SPTAN1: variants seen among roughly 807,000 people sequenced by gnomAD.
The protein encoded by SPTAN1 is spectrin alpha, non-erythrocytic 1, also known as spectrin alpha chain, non-erythrocytic 1.
A neutral mutation model predicts 331.3 loss-of-function variants in SPTAN1; 61 were observed. The ratio of observed to expected loss-of-function variants is 0.18; its 90% CI spans 0.15 to 0.23. The LOEUF (loss-of-function observed/expected upper bound fraction) is 0.23. Among genes scored for constraint, SPTAN1 ranks in the 10% least tolerant of loss-of-function variants. SPTAN1 has a pLI of 1.00. For missense variants in SPTAN1, 2,043 were observed against 3,147.9 expected, an observed-to-expected ratio of 0.65 and a Z score of 8.40; for synonymous variants, 1,153 against 1,173.9, an observed-to-expected ratio of 0.98 and a Z score of 0.36.
intron 24 of SPTAN1, among the ~76,000 whole-genome samples, chr9:128,594,915 C>T (rs1854060190): frequency 6.8e-6 from 1 of 148,134 alleles, no homozygotes; most frequent in African/African-American, 2.5e-5. Context: ...TGCAACTCCT[C>T]CTCCCAGGTT....
Position 128,587,111 on chromosome 9 carries a change from G to A in SPTAN1, c.2779-495G>A, listed in dbSNP as rs150413188. 1.1e-3 allele frequency among the ~76,000 whole-genome samples: 171 copies of A among 152,212 alleles called. 1 individual carries two copies. In the South Asian group the frequency reaches 0.013, roughly 12 times the overall value. On this transcript the variant is annotated intron_variant, in intron 19 of 56. Transcript: ENST00000372739. ...CCTGGGATTACAGGCGTGAGGCACCGCGCTCGTTCTGTCGCTAGGGCTGGA... is the reference window on the plus strand; with the variant it reads ...CCTGGGATTACAGGCGTGAGGCACCACGCTCGTTCTGTCGCTAGGGCTGGA...
At chr9:128,605,821 G>A (rs187206562) in intron 31 of SPTAN1, among the ~76,000 whole-genome samples, 1 of 151,802 alleles carries the variant, frequency 6.6e-6, no homozygotes, top group Non-Finnish European at 1.5e-5. Flanking sequence ...GCGAAATGCC[G>A]TCTCTACCAA....
intron 3 of SPTAN1, 145 bp downstream of exon 3, chr9:128,569,042 G>A (rs553523917): frequency 8.8e-6 from 9 of 1,017,182 alleles, no homozygotes; most frequent in South Asian, 2.8e-5. Flanking sequence ...GAAGTTACCC[G>A]AATCCTGCCT....
rs1400512278 is a variant in SPTAN1, at chr9:128,603,560, T to C, written c.3597T>C (p.Val1199=). 6.2e-7 allele frequency: 1 copy of C among 1,614,226 alleles called. No homozygotes were observed. Among genetic ancestry groups the C allele is most frequent in the South Asian group, 1.1e-5 (1 of 91,088 alleles). Residue 1199 remains valine (V), a synonymous_variant, in exon 28 of 57, where the codon GTT becomes GTC. Transcript: ENST00000372739. Reference sequence around the variant, plus strand: ...CTACCTAGTCTGCTCGTCTGATGGTTCACACCGTGGCCACCTTTAATTCCA... The same window carrying C: ...CTACCTAGTCTGCTCGTCTGATGGTCCACACCGTGGCCACCTTTAATTCCA... ...ASPWKSARLM[V]HTVATFNSIK... is the part of the protein sequence containing the mutation.
At chr9:128,617,596 G>A (rs1857326634) in intron 41 of SPTAN1, 44 bp from the exon 42 acceptor site, 1 of 1,613,852 alleles carries the variant, frequency 6.2e-7, no homozygotes, top group African/African-American at 1.3e-5. Flanking sequence ...TTGAAAGCAG[G>A]GAGGTGCAGA....
intron 11 of SPTAN1, among the ~76,000 whole-genome samples, chr9:128,581,474 C>CAAA (rs11429372): frequency 5.2e-5 from 7 of 133,498 alleles, no homozygotes; most frequent in East Asian, 4.3e-4. Flanking sequence ...TCCTGTCTCA[C>CAAA]AAAAAAAAAA....
At chr9:128,556,204 G>C (rs1176893175) in intron 1 of SPTAN1, among the ~76,000 whole-genome samples, 1 of 151,678 alleles carries the variant, frequency 6.6e-6, no homozygotes, top group Non-Finnish European at 1.5e-5. Flanking sequence ...CCAGGTGACA[G>C]TGCGAGACTC....
chr9:128,606,688 G>T (rs946396769), intron 31 of SPTAN1, among the ~76,000 whole-genome samples: 30 of 151,796 alleles, frequency 2.0e-4, no homozygotes, highest in South Asian at 4.2e-4. Flanking sequence ...GTTTCTCCAT[G>T]TTGGTCAGGC....
At chr9:128,578,937 A>G (rs1007982210) in intron 9 of SPTAN1, among the ~76,000 whole-genome samples, 11 of 152,236 alleles carry the variant, frequency 7.2e-5, no homozygotes, top group African/African-American at 2.4e-4. Flanking sequence ...CAACAGAAAC[A>G]TAATTTTTAA....
chr9:128,575,673 T>C (rs1315150359), intron 5 of SPTAN1, among the ~76,000 whole-genome samples: 1 of 152,202 alleles, frequency 6.6e-6, no homozygotes, highest in African/African-American at 2.4e-5. Context: ...TGGTGAATGC[T>C]AAGTTAGTAT....
chr9:128,617,193 C>T (rs2131778640), intron 41 of SPTAN1, among the ~76,000 whole-genome samples: 1 of 151,002 alleles, frequency 6.6e-6, no homozygotes, highest in South Asian at 2.1e-4. Flanking sequence ...AAGCAGAGAT[C>T]ATGCCATTGC....
Position 128,609,009 on chromosome 9 carries a change from A to G in SPTAN1, c.4595+32A>G, listed in dbSNP as rs776075636. Reference sequence around the variant, plus strand: ...GTCCTGTGGCACTGACATAGTCACCAGCCCTGAGAGGATGCATCCCCTCAT... The same window carrying G: ...GTCCTGTGGCACTGACATAGTCACCGGCCCTGAGAGGATGCATCCCCTCAT... On this transcript the variant is annotated intron_variant, in intron 35 of 56. Transcript: ENST00000372739. 4 of 1,613,634 alleles carry G rather than the reference A, an allele frequency of 2.5e-6. No homozygotes were observed. The East Asian group carries it at 6.7e-5, about 27-fold the overall frequency.
chr9:128,626,035 C>T, intron 48 of SPTAN1, 57 bp downstream of exon 48: 6 of 1,597,472 alleles, frequency 3.8e-6, no homozygotes, highest in Middle Eastern at 2.1e-4. Context: ...AGGACGCCCA[C>T]CTTCTGTCTG....
chr9:128,584,232 G>A (rs368551564), intron 16 of SPTAN1, 50 bp from the exon 17 acceptor site: 15 of 1,613,218 alleles, frequency 9.3e-6, no homozygotes, highest in East Asian at 2.2e-5. Context: ...CTCTGTATAC[G>A]ATAAAACCAC....
rs1851521330 is a variant in SPTAN1, at chr9:128,578,167, A to C, written c.1143A>C (p.Lys381Asn). The change falls in exon 9 of 57, where the codon AAA (lysine) becomes AAC (asparagine). Residue 381 changes from lysine (K) to asparagine (N), a missense_variant. Lys to Asn is a moderately conservative substitution (Grantham distance 94, BLOSUM62 0). Around this residue, in one of 12 missense-constraint regions of SPTAN1, gnomAD observed 1,038 missense variants for 1,531.5 expected, o/e 0.68. Coordinates refer to ENST00000372739, the MANE Select transcript of SPTAN1 (RefSeq NM_001130438.3). Reference protein sequence around the residue: ...RDLTSWVTEMKALINADELAS... With the variant: ...RDLTSWVTEMNALINADELAS... ...TCACCAGCTGGGTGACTGAGATGAA[A>C]GCCCTCATCAATGCAGATGAGCTTG... 1 of 1,614,128 alleles carries C rather than the reference A, an allele frequency of 6.2e-7. No homozygotes were observed.
At chr9:128,558,412 A>G (rs1029417939) in intron 1 of SPTAN1, among the ~76,000 whole-genome samples, 1 of 152,194 alleles carries the variant, frequency 6.6e-6, no homozygotes. Context: ...TTAAACATAT[A>G]GAGAATATAC....
At chr9:128,587,284 T>C (rs1473968591) in intron 19 of SPTAN1, among the ~76,000 whole-genome samples, 1 of 149,278 alleles carries the variant, frequency 6.7e-6, no homozygotes, top group Admixed American at 6.6e-5. Flanking sequence ...GAGGTTTCAG[T>C]ATGTTGCCCA....
At chr9:128,580,557 C>A (rs1216278536) in intron 10 of SPTAN1, among the ~76,000 whole-genome samples, 1 of 151,980 alleles carries the variant, frequency 6.6e-6, no homozygotes, top group Non-Finnish European at 1.5e-5. Flanking sequence ...TTATGGAGCA[C>A]CCACTCAGTT....
rs187221412 is a variant in SPTAN1, at chr9:128,583,720, G to A, written c.2012-68G>A. ...TATAGTCCTTCACTAAGATACTACT[G>A]TTCATGGGCAGTGTTGGCAGAAGGG... On this transcript the variant is annotated intron_variant, in intron 15 of 56. Coordinates refer to ENST00000372739, the MANE Select transcript of SPTAN1 (RefSeq NM_001130438.3). 1.7e-3 allele frequency: 2,679 copies of A among 1,536,080 alleles called. 3 individuals carry two copies. Among genetic ancestry groups the A allele is most frequent in the Non-Finnish European group, 2.1e-3 (2,385 of 1,111,586 alleles).
Sources: gnomAD v4.1 joint callset for allele counts (sites outside exome capture counted in the v4.1 genomes callset) on GRCh38, gnomAD v4.1.1 for gene constraint, gnomAD v4.1.1 regional missense constraint, MANE v1.5 for transcripts, NCBI Gene and HGNC (gene_info 2026-07-23, HGNC 2026-07-21) for gene names.